Variants in PTPRZ1 observed in about 807,000 individuals in gnomAD.
The protein encoded by PTPRZ1 is protein tyrosine phosphatase receptor type Z1.
Under a neutral mutation model 214.1 loss-of-function variants are expected in PTPRZ1, and 82 were observed. The ratio of observed to expected loss-of-function variants is 0.38; its 90% CI spans 0.32 to 0.46. The LOEUF is 0.46. PTPRZ1 is among the 20% of genes least tolerant of loss of function. The pLI, the probability that PTPRZ1 is intolerant of heterozygous loss-of-function variation, is 1.00. For synonymous variants in PTPRZ1, 945 were observed against 987.9 expected (o/e 0.96, Z 0.81); for missense variants, 2,603 against 2,748.7 (o/e 0.95, Z 1.19).
chr7:122,058,286 A>G (rs1792437169), intron 27 of PTPRZ1, among the ~76,000 whole-genome samples: 1 of 152,038 alleles, frequency 6.6e-6, no homozygotes. Flanking sequence ...TTATCAAGTC[A>G]CAGTCTTGTT....
chr7:122,039,611 A>G (rs1799654177), intron 20 of PTPRZ1, 23 bp downstream of exon 20: 9 of 1,610,922 alleles, frequency 5.6e-6, no homozygotes, highest in African/African-American at 1.3e-5. Flanking sequence ...AATGATGGGC[A>G]TAATCAAGTG....
chr7:122,019,298 A>G lies in PTPRZ1; in HGVS notation c.4988+30A>G, dbSNP rs767157708. ...GTTGAGTATTTGTTTTGGAAAATTT[A>G]ATTCATAAAACTCAGATTTTGCCCA... On this transcript the variant is annotated intron_variant, in intron 13 of 29. Transcript: ENST00000393386. 3 of 1,583,636 alleles carry G rather than the reference A, an allele frequency of 1.9e-6. No individual in the cohort carries two copies. The Admixed American group carries it at 5.2e-5, about 27-fold the overall frequency.
At chr7:121,920,362 TA>T (rs1795559121) in intron 1 of PTPRZ1, among the ~76,000 whole-genome samples, 1 of 152,160 alleles carries the variant, frequency 6.6e-6, no homozygotes, top group Non-Finnish European at 1.5e-5. Flanking sequence ...ATAAATATAA[TA>T]ACACATTATT....
chr7:122,004,524 TTTAA>T, intron 10 of PTPRZ1, 86 bp from the exon 11 acceptor site: 2 of 702,244 alleles, frequency 2.8e-6, no homozygotes, highest in Non-Finnish European at 4.8e-6. Context: ...TTTTATTCTT[TTTAA>T]TTTTTTCTCT....
In PTPRZ1 at chr7:121,912,133, A is replaced by C. The variant is rs139644066; in HGVS notation, c.59-16023A>C. Among the ~76,000 whole-genome samples the C allele has an allele frequency of 8.6e-4, 131 of 152,316 alleles. 2 individuals are homozygous for C. In the East Asian group the frequency reaches 0.019, roughly 22 times the overall value. On this transcript the variant is annotated intron_variant, in intron 1 of 29. Coordinates refer to ENST00000393386, the MANE Select transcript of PTPRZ1 (RefSeq NM_002851.3). ...ACAGCAGGAAGTATTAGATAAATTC[A>C]AGAAAGCCCAGTAAATCCTAGAGGG...
intron 2 of PTPRZ1, among the ~76,000 whole-genome samples, chr7:121,957,140 C>A (rs1365328104): frequency 6.6e-6 from 1 of 152,160 alleles, no homozygotes; most frequent in Non-Finnish European, 1.5e-5. Flanking sequence ...TTGCCAGTAT[C>A]ATCTTTTCCC....
chr7:121,950,176 C>G (rs1391994109), intron 2 of PTPRZ1, among the ~76,000 whole-genome samples: 1 of 152,142 alleles, frequency 6.6e-6, no homozygotes, highest in Non-Finnish European at 1.5e-5. Flanking sequence ...AGAATGCCTG[C>G]TTTTAAAACC....
intron 1 of PTPRZ1, among the ~76,000 whole-genome samples, chr7:121,895,333 G>A (rs1289918201): frequency 6.6e-6 from 1 of 151,974 alleles, no homozygotes; most frequent in Non-Finnish European, 1.5e-5. Context: ...TCTCTTTTTT[G>A]GGAGCTAGAT....
intron 8 of PTPRZ1, among the ~76,000 whole-genome samples, chr7:121,994,402 C>G (rs1798072376): frequency 6.8e-6 from 1 of 146,618 alleles, no homozygotes; most frequent in Non-Finnish European, 1.5e-5. Context: ...TCACGCCATT[C>G]TCCTGCCTCA....
chr7:121,996,345 A>G (rs1418106752), intron 8 of PTPRZ1, 37 bp from the exon 9 acceptor site: 13 of 1,467,724 alleles, frequency 8.9e-6, no homozygotes, highest in Non-Finnish European at 1.2e-5. Flanking sequence ...CCTCAAGGCT[A>G]AGTTCTATCA....
intron 10 of PTPRZ1, among the ~76,000 whole-genome samples, chr7:122,000,812 G>T (rs1798301244): frequency 6.7e-6 from 1 of 150,098 alleles, no homozygotes; most frequent in Admixed American, 6.6e-5. Flanking sequence ...TCAGCCTCCT[G>T]AGTAGCTGAG....
At chr7:122,023,839 TTA>T (rs1475176645) in intron 13 of PTPRZ1, among the ~76,000 whole-genome samples, 7 of 90,116 alleles carry the variant, frequency 7.8e-5, no homozygotes, top group Admixed American at 1.3e-4. Flanking sequence ...TTATATATAA[TTA>T]TATATATATA....
At chr7:121,932,219 T>C (rs889175723) in intron 2 of PTPRZ1, among the ~76,000 whole-genome samples, 1 of 152,178 alleles carries the variant, frequency 6.6e-6, no homozygotes, top group Non-Finnish European at 1.5e-5. Context: ...TAAATGTATT[T>C]CACCCAAGCA....
intron 11 of PTPRZ1, among the ~76,000 whole-genome samples, chr7:122,008,983 A>G (rs1034177478): frequency 6.6e-6 from 1 of 152,080 alleles, no homozygotes; most frequent in Non-Finnish European, 1.5e-5. Context: ...TATTTGGGAA[A>G]ATCTCTCAGG....
At chr7:121,979,128 T>A (rs1195912023) in intron 6 of PTPRZ1, among the ~76,000 whole-genome samples, 1 of 152,152 alleles carries the variant, frequency 6.6e-6, no homozygotes, top group Admixed American at 6.5e-5. Flanking sequence ...CTTACTATGC[T>A]GTGGGCTGGT....
intron 1 of PTPRZ1, among the ~76,000 whole-genome samples, chr7:121,885,506 G>GCACC (rs1794370274): frequency 6.6e-6 from 1 of 152,082 alleles, no homozygotes; most frequent in African/African-American, 2.4e-5. Context: ...GCACATCTGG[G>GCACC]CACCGTCCAT....
At chr7:121,990,033 T>C (rs1293504886) in intron 8 of PTPRZ1, among the ~76,000 whole-genome samples, 2 of 152,148 alleles carry the variant, frequency 1.3e-5, no homozygotes, top group African/African-American at 4.8e-5. Flanking sequence ...CTTAATTTTA[T>C]GTTGTATTCC....
chr7:121,930,867 A>G (rs1795900571), intron 2 of PTPRZ1, among the ~76,000 whole-genome samples: 1 of 152,132 alleles, frequency 6.6e-6, no homozygotes, highest in Non-Finnish European at 1.5e-5. Context: ...TAATGCCCCT[A>G]ATAATTATGA....
chr7:121,921,314 G>C (rs1380415281), intron 1 of PTPRZ1, among the ~76,000 whole-genome samples: 1 of 152,096 alleles, frequency 6.6e-6, no homozygotes. Context: ...TTCTCTCTCT[G>C]AAAGCATGTC....
Sources: gnomAD v4.1 joint callset for allele counts (sites outside exome capture counted in the v4.1 genomes callset) on GRCh38, gnomAD v4.1.1 for gene constraint, MANE v1.5 for transcripts, NCBI Gene and HGNC (gene_info 2026-07-23, HGNC 2026-07-21) for gene names.